DNAI2: variants seen among roughly 807,000 people sequenced by gnomAD.
The protein encoded by DNAI2 is dynein, axonemal, intermediate polypeptide 2.
A neutral mutation model predicts 74.7 loss-of-function variants in DNAI2; 63 were observed. The ratio of observed to expected loss-of-function variants is 0.84; its 90% confidence interval spans 0.69 to 1.04. The LOEUF (loss-of-function observed/expected upper bound fraction) is 1.04, where lower values mean the gene tolerates loss of function less well. Among genes scored for constraint, DNAI2 ranks in the 50% least tolerant of loss-of-function variants. The pLI is 0.00. For missense variants in DNAI2, 688 were observed against 803.2 expected (o/e 0.86, Z 1.73); for synonymous variants, 289 against 314.9 (o/e 0.92, Z 0.87).
chr17:74,294,923 T>C (rs1378156296), intron 6 of DNAI2, among the ~76,000 whole-genome samples: 1 of 152,192 alleles, frequency 6.6e-6, no homozygotes, highest in Non-Finnish European at 1.5e-5. Flanking sequence ...GTCTTTAGAC[T>C]CTGTTTTTCT....
At position 74,281,825 on chromosome 17, in the gene DNAI2, T is replaced by C. The variant is rs2051406356; in HGVS notation, c.8T>C (p.Ile3Thr). The C allele has an allele frequency of 6.2e-7, 1 of 1,613,548 alleles. No homozygotes were observed. The highest frequency in any genetic ancestry group is 1.3e-5 in the African/African-American group (1 of 74,794). The change falls in exon 2 of 14, where the codon ATT becomes ACT. Residue 3 changes from isoleucine to threonine, a missense_variant. Transcript: ENST00000311014. ME[I>T]VYVYVKKRSE... ...CCCCCAGCAGCCGGCACCATGGAGA[T>C]TGTGTACGTGTACGTCAAGAAGCGC...
chr17:74,314,493 C>T (rs1269917721), intron 13 of DNAI2, 96 bp from the exon 14 acceptor site: 1 of 463,484 alleles, frequency 2.2e-6, no homozygotes, highest in Non-Finnish European at 3.9e-6. Flanking sequence ...GAGCCCACCC[C>T]AAGGCCGAGG....
intron 1 of DNAI2, among the ~76,000 whole-genome samples, chr17:74,277,471 C>G (rs1056879776): frequency 6.6e-6 from 1 of 152,068 alleles, no homozygotes; most frequent in African/African-American, 2.4e-5. Flanking sequence ...TGCTCTGGGG[C>G]TAGGAGTGGG....
chr17:74,279,024 G>A (rs371729787), intron 1 of DNAI2, among the ~76,000 whole-genome samples: 5 of 152,090 alleles, frequency 3.3e-5, no homozygotes, highest in Non-Finnish European at 5.9e-5. Flanking sequence ...AAAATTAGCC[G>A]GGTGTGGTGG....
At position 74,305,271 on chromosome 17, in the gene DNAI2, G is replaced by A. The variant is rs138489039; in HGVS notation, c.1040G>A (p.Arg347His). The change falls in exon 9 of 14, where the codon CGC (arginine) becomes CAC (histidine). Residue 347 changes from arginine to histidine, a missense_variant. Physicochemically the swap from Arg to His is conservative, Grantham distance 29. Coordinates refer to ENST00000311014, the MANE Select transcript of DNAI2 (RefSeq NM_023036.6). The part of the protein sequence containing the change: ...TEQGIVISCN[R>H]KAKTSAEKIV... Reference sequence around the variant, plus strand: ...CAGGGCATCGTCATCTCCTGCAACCGCAAGGCCAAGACGTCAGCTGAAAAG... The same window carrying A: ...CAGGGCATCGTCATCTCCTGCAACCACAAGGCCAAGACGTCAGCTGAAAAG... 9.6e-5 allele frequency: 155 copies of A among 1,614,200 alleles called. No individual in the cohort carries two copies. The highest frequency in any genetic ancestry group is 3.7e-4 in the African/African-American group (28 of 75,054).
At chr17:74,286,522 G>GGTT (rs1192480411) in intron 3 of DNAI2, among the ~76,000 whole-genome samples, 1 of 151,910 alleles carries the variant, frequency 6.6e-6, no homozygotes, top group Non-Finnish European at 1.5e-5. Flanking sequence ...CCGGGTTCAA[G>GGTT]CAATTCTCCT....
intron 9 of DNAI2, among the ~76,000 whole-genome samples, chr17:74,307,978 A>G (rs2053284912): frequency 6.6e-6 from 1 of 151,906 alleles, no homozygotes; most frequent in East Asian, 1.9e-4. Flanking sequence ...TTTTATTTTT[A>G]GTAGAGGCAG....
intron 6 of DNAI2, among the ~76,000 whole-genome samples, chr17:74,292,792 C>G (rs1216103652): frequency 2.7e-5 from 4 of 150,578 alleles, no homozygotes; most frequent in Non-Finnish European, 5.9e-5. Flanking sequence ...TCCATGAGCA[C>G]TTGAGAAGAC....
chr17:74,309,427 G>A (rs1441799013), intron 10 of DNAI2, 39 bp downstream of exon 10: 1 of 1,613,850 alleles, frequency 6.2e-7, no homozygotes, highest in Non-Finnish European at 8.5e-7. Flanking sequence ...CAGGTCCTCA[G>A]GGAGCCAGGT....
Position 74,281,912 on chromosome 17 carries a change from T to C in DNAI2, c.95T>C (p.Met32Thr). The C allele has an allele frequency of 3.1e-6, 5 of 1,614,152 alleles. No individual in the cohort carries two copies. The highest frequency in any genetic ancestry group is 4.2e-6 in the Non-Finnish European group (5 of 1,180,024). The change falls in exon 2 of 14, where the codon ATG becomes ACG. Residue 32 changes from methionine (M) to threonine (T), a missense_variant. Coordinates refer to ENST00000311014, the MANE Select transcript of DNAI2 (RefSeq NM_023036.6). Reference protein sequence around the residue: ...DRQAELNIDIMPNPELAEQFV... With the variant: ...DRQAELNIDITPNPELAEQFV... ...CAGGCCGAGCTGAACATCGACATCA[T>C]GCCCAACCCTGAGCTGGCCGAGCAG... is the stretch of plus-strand genomic sequence containing the variant.
At chr17:74,310,362 G>A (rs531444568) in intron 11 of DNAI2, among the ~76,000 whole-genome samples, 199 bp downstream of exon 11, 1 of 150,278 alleles carries the variant, frequency 6.7e-6, no homozygotes, top group South Asian at 2.1e-4. Flanking sequence ...GGGTAGCTAA[G>A]TGGCCTTCAG....
intron 4 of DNAI2, among the ~76,000 whole-genome samples, 178 bp downstream of exon 4, chr17:74,287,276 C>T (rs566411349): frequency 2.0e-5 from 3 of 152,168 alleles, no homozygotes; most frequent in East Asian, 3.9e-4. Flanking sequence ...GCTCTGGGGG[C>T]GGGTCTGGTT....
intron 2 of DNAI2, 61 bp from the exon 3 acceptor site, chr17:74,284,979 G>C (rs1481201689): frequency 6.2e-7 from 1 of 1,610,182 alleles, no homozygotes; most frequent in Non-Finnish European, 8.5e-7. Context: ...GCTTGCAGAA[G>C]TGGCCGAGGG....
chr17:74,286,030 T>C (rs2051709984), intron 3 of DNAI2, among the ~76,000 whole-genome samples: 1 of 151,496 alleles, frequency 6.6e-6, no homozygotes. Context: ...GCTTGGTGGC[T>C]CACACCTGTA....
Position 74,300,945 on chromosome 17 carries a change from C to A in DNAI2, c.865-101C>A. The A allele has an allele frequency of 3.9e-6, 6 of 1,539,394 alleles. No individual in the cohort carries two copies. Among genetic ancestry groups the A allele is most frequent in the Non-Finnish European group, 5.3e-6 (6 of 1,124,066 alleles). On this transcript the variant is annotated intron_variant, in intron 7 of 13. Coordinates refer to ENST00000311014, the MANE Select transcript of DNAI2 (RefSeq NM_023036.6). This position sits in a 1 kb window ranked among gnomAD's most constrained non-coding sequence, Gnocchi z 4.5. ...TTGCCGGGAGCTCCATCCTTTGTGG[C>A]CCAGTGGCTGACCCCAGGACGGTGG...
intron 13 of DNAI2, 146 bp from the exon 14 acceptor site, chr17:74,314,443 C>T (rs984677488): frequency 9.7e-6 from 8 of 824,764 alleles, no homozygotes; most frequent in Non-Finnish European, 1.3e-5. Flanking sequence ...AGGGGCGGGG[C>T]TTGTCCCGGA....
intron 12 of DNAI2, 60 bp downstream of exon 12, chr17:74,312,290 G>T: frequency 1.8e-6 from 1 of 561,630 alleles, no homozygotes; most frequent in South Asian, 1.5e-5. Flanking sequence ...TGGCACTTGG[G>T]TTCTGCTTCT....
chr17:74,313,793 C>G (rs1282935319), intron 12 of DNAI2: 1 of 375,412 alleles, frequency 2.7e-6, no homozygotes, highest in Non-Finnish European at 5.1e-6. Context: ...TATTTCTAAT[C>G]CTGGCCACAG....
rs146692089 is a variant in DNAI2, at chr17:74,314,573, G to A, written c.*56-16G>A. ...CACAGGCTCCCCAGCAATCATTTTC[G>A]TTTGTAACCTTGCAGACCCTCAACC... On this transcript the variant is annotated splice_polypyrimidine_tract_variant and intron_variant, in intron 13 of 13. Coordinates refer to ENST00000311014, the MANE Select transcript of DNAI2 (RefSeq NM_023036.6). 1.6e-3 allele frequency: 525 copies of A among 324,704 alleles called. 3 individuals are homozygous for A. The highest frequency in any genetic ancestry group is 0.01 in the African/African-American group (468 of 46,676). The allele number at this position is 324,704 out of a possible 1,614,324, so 20.1% of individuals were successfully genotyped here.
Sources: gnomAD v4.1 joint callset for allele counts (sites outside exome capture counted in the v4.1 genomes callset) on GRCh38, gnomAD v4.1.1 for gene constraint, Gnocchi (gnomAD v3.1) non-coding constraint, MANE v1.5 for transcripts, NCBI Gene and HGNC (gene_info 2026-07-23, HGNC 2026-07-21) for gene names.